BACH2: variants seen among roughly 807,000 people sequenced by gnomAD.
BACH2 encodes the protein transcription regulator protein BACH2.
BACH2 carries 5 observed loss-of-function variants against 61.8 expected under a neutral mutation model. The observed-to-expected ratio is 0.08, with a 90% CI of 0.04 to 0.17. BACH2 has a LOEUF of 0.17. BACH2 is among the 10% of genes least tolerant of loss of function. BACH2 has a pLI of 1.00. For synonymous variants in BACH2, 446 were observed against 440.1 expected (o/e 1.01, Z -0.17); for missense variants, 824 against 1,091.1 (o/e 0.76, Z 3.45).
intron 6 of BACH2, among the ~76,000 whole-genome samples, chr6:90,004,975 G>GT (rs142667471): frequency 1.4e-4 from 21 of 151,260 alleles, no homozygotes; most frequent in African/African-American, 1.9e-4. Flanking sequence ...ATTGCCATTT[G>GT]TTTTTTTTTA....
intron 3 of BACH2, among the ~76,000 whole-genome samples, chr6:90,222,662 C>G (rs1436918873): frequency 6.6e-6 from 1 of 152,148 alleles, no homozygotes; most frequent in Non-Finnish European, 1.5e-5. Context: ...TTCAAAGAAC[C>G]AATATGGTAC....
intron 1 of BACH2, among the ~76,000 whole-genome samples, chr6:90,278,641 C>T (rs995472167): frequency 1.3e-5 from 2 of 152,182 alleles, no homozygotes; most frequent in Admixed American, 6.5e-5. Flanking sequence ...ATATTAAATG[C>T]TTGCTACCCA....
At chr6:89,970,308 G>T (rs979317329) in intron 6 of BACH2, among the ~76,000 whole-genome samples, 2 of 152,218 alleles carry the variant, frequency 1.3e-5, no homozygotes, top group African/African-American at 4.8e-5. Context: ...CCGCCGACAG[G>T]CTTTGATGAT....
intron 8 of BACH2, among the ~76,000 whole-genome samples, chr6:89,935,564 T>C (rs1772972243): frequency 6.6e-6 from 1 of 152,196 alleles, no homozygotes; most frequent in Non-Finnish European, 1.5e-5. Context: ...AGACGTACAC[T>C]GATGAATGTG....
At chr6:90,125,758 T>C (rs1783823592) in intron 4 of BACH2, among the ~76,000 whole-genome samples, 2 of 152,188 alleles carry the variant, frequency 1.3e-5, no homozygotes, top group Non-Finnish European at 2.9e-5. Context: ...GGCACCCACC[T>C]TGGGCTCCAT....
At chr6:90,216,087 G>A (rs577688787) in intron 3 of BACH2, among the ~76,000 whole-genome samples, 3 of 152,344 alleles carry the variant, frequency 2.0e-5, no homozygotes, top group Middle Eastern at 3.4e-3. Context: ...AGGGAGGTCT[G>A]CAGGGAGTCA....
intron 3 of BACH2, among the ~76,000 whole-genome samples, chr6:90,239,699 A>G (rs1375653272): frequency 6.6e-6 from 1 of 151,820 alleles, no homozygotes. Context: ...TGACTAAGAG[A>G]TTATGTTATC....
chr6:90,086,011 C>A (rs1331038792), intron 5 of BACH2, among the ~76,000 whole-genome samples: 1 of 152,148 alleles, frequency 6.6e-6, no homozygotes, highest in African/African-American at 2.4e-5. Flanking sequence ...CATCCCCTGG[C>A]AACCACCATT....
chr6:90,087,516 A>C (rs1781986255), intron 5 of BACH2, among the ~76,000 whole-genome samples: 1 of 152,210 alleles, frequency 6.6e-6, no homozygotes, highest in African/African-American at 2.4e-5. Context: ...CCAAATGTAC[A>C]TTTGTTTAGT....
At chr6:90,011,381 ACT>A (rs1477360655) in intron 5 of BACH2, among the ~76,000 whole-genome samples, 1 of 150,934 alleles carries the variant, frequency 6.6e-6, no homozygotes, top group African/African-American at 2.4e-5. Context: ...CTATTTATGG[ACT>A]CTGTCTTTTA....
rs550923893 is a variant in BACH2, at chr6:90,295,977, G to A, written c.-446+503C>T. Among the ~76,000 whole-genome samples, 577 of 152,158 alleles carry A rather than the reference G, an allele frequency of 3.8e-3. 3 individuals carry two copies. Among genetic ancestry groups the A allele is most frequent in the Non-Finnish European group, 6.5e-3 (443 of 67,986 alleles). On this transcript the variant is annotated intron_variant, in intron 1 of 8. Transcript: ENST00000257749. ...GTCCTCGCGGAGCAGCCCGGGATGC[G>A]CACGCCGAGGGTTAAGGAGGAGGCC...
At position 89,932,863 on chromosome 6, in the gene BACH2, C is replaced by G; in HGVS notation, c.2071G>C (p.Glu691Gln). 1 of 1,600,086 alleles carries G rather than the reference C, an allele frequency of 6.2e-7. No homozygotes were observed. Residue 691 changes from glutamate (E) to glutamine (Q), a missense_variant, in exon 9 of 9, where the codon GAG (glutamate) becomes CAG (glutamine). This residue lies in a region of BACH2 where 160 missense variants were observed against 283.5 expected (regional missense o/e 0.56). Transcript: ENST00000257749. ...LVCEKEKLLS[E>Q]RNQLKACMGE... is the part of the protein sequence containing the mutation. Reference sequence around the variant, plus strand: ...ATGCATGCTTTCAGTTGATTCCTCTCTGACAACAGTTTCTCTTTCTCACAC... The same window carrying G: ...ATGCATGCTTTCAGTTGATTCCTCTGTGACAACAGTTTCTCTTTCTCACAC...
chr6:90,169,157 T>G (rs899372865), intron 4 of BACH2, among the ~76,000 whole-genome samples: 3 of 150,680 alleles, frequency 2.0e-5, no homozygotes, highest in African/African-American at 7.3e-5. Context: ...TTCTCTCAGG[T>G]TACTGGTGAT....
intron 4 of BACH2, among the ~76,000 whole-genome samples, chr6:90,110,280 T>C (rs934418477): frequency 2.6e-5 from 4 of 152,244 alleles, no homozygotes; most frequent in Admixed American, 1.3e-4. Context: ...CTTTTAAATG[T>C]GGAGTCTGAA....
chr6:90,027,962 A>G (rs544572905), intron 5 of BACH2, among the ~76,000 whole-genome samples: 1 of 152,328 alleles, frequency 6.6e-6, no homozygotes, highest in East Asian at 1.9e-4. Flanking sequence ...CATGAAGAAT[A>G]ATGTATATTT....
At chr6:90,280,620 A>G (rs941536695) in intron 1 of BACH2, among the ~76,000 whole-genome samples, 5 of 152,196 alleles carry the variant, frequency 3.3e-5, no homozygotes, top group African/African-American at 9.6e-5. Flanking sequence ...GTGAGACCCC[A>G]GGGGCACCTT....
rs12660982 is a variant in BACH2 at position 90,238,830 on chromosome 6, C to T, written c.-275+13683G>A. Among the ~76,000 whole-genome samples, 7 of 152,158 alleles carry T rather than the reference C, an allele frequency of 4.6e-5. No homozygotes were observed. In the East Asian group the frequency reaches 1.3e-3, roughly 29 times the overall value. ...GTAAGAAATGATGATGTGCTTCCTT[C>T]TTGGGGGAGTGAGTTGTGATACTGC... is the stretch of plus-strand genomic sequence containing the variant. On this transcript the variant is annotated intron_variant, in intron 3 of 8. Coordinates refer to ENST00000257749, the MANE Select transcript of BACH2 (RefSeq NM_021813.4).
chr6:90,192,745 G>C (rs1582469471), intron 4 of BACH2, among the ~76,000 whole-genome samples: 1 of 152,222 alleles, frequency 6.6e-6, no homozygotes, highest in African/African-American at 2.4e-5. Context: ...TAACCCTAGT[G>C]TAAGTAAAAT....
At chr6:90,288,051 C>T (rs1254068621) in intron 1 of BACH2, among the ~76,000 whole-genome samples, 1 of 152,150 alleles carries the variant, frequency 6.6e-6, no homozygotes, top group Non-Finnish European at 1.5e-5. Flanking sequence ...ATCCCTGGCA[C>T]TTATCTTCCC....
Sources: allele counts gnomAD v4.1 joint callset (sites outside exome capture counted in the v4.1 genomes callset), GRCh38; gene constraint gnomAD v4.1.1; regional missense constraint gnomAD v4.1.1; transcripts MANE v1.5; gene names NCBI Gene and HGNC (gene_info 2026-07-23, HGNC 2026-07-21).